Variants in AMMECR1 observed in about 807,000 individuals in gnomAD.
The protein encoded by AMMECR1 is nuclear protein AMMECR1.
A neutral mutation model predicts 22.5 loss-of-function variants in AMMECR1; 3 were observed. That is an observed-to-expected ratio of 0.13 (90% confidence interval 0.06 to 0.35). The LOEUF (loss-of-function observed/expected upper bound fraction) is 0.35, where lower values mean the gene tolerates loss of function less well. AMMECR1 is among the 10% of genes least tolerant of loss of function. AMMECR1 has a pLI of 1.00. For missense variants in AMMECR1, 235 were observed against 278.7 expected, an observed-to-expected ratio of 0.84 and a Z score of 1.12; for synonymous variants, 130 against 116.7, an observed-to-expected ratio of 1.11 and a Z score of -0.74.
Position 110,195,260 on chromosome X carries a change from G to C in AMMECR1, c.*3260C>G, listed in dbSNP as rs1422291621. 1 of 111,880 alleles carries C rather than the reference G, an allele frequency of 8.9e-6. No individual in the cohort carries two copies. Among genetic ancestry groups the C allele is most frequent in the Non-Finnish European group, 1.9e-5 (1 of 53,173 alleles). 9.2% of individuals were successfully genotyped at this position (111,880 alleles called of 1,213,427 possible). A position where few individuals can be genotyped will look rare whatever the true frequency, so the allele number is the denominator to read the frequency against. On this transcript the variant is annotated 3_prime_UTR_variant, in exon 6 of 6. Coordinates refer to ENST00000262844, the MANE Select transcript of AMMECR1 (RefSeq NM_015365.3). ...TACAACTGCTTTAAGCTTTAAGGGT[G>C]AGGGGAAGCAAGCCTTGCACTTCCT... is the stretch of plus-strand genomic sequence containing the variant.
upstream of AMMECR1, among the ~76,000 whole-genome samples, chrX:110,318,579 A>G (rs138283253): frequency 9.8e-4 from 109 of 110,832 alleles, 1 homozygote; most frequent in African/African-American, 3.5e-3. Context: ...AGCAGTATTA[A>G]TGACACTTAA....
intron 2 of AMMECR1, among the ~76,000 whole-genome samples, chrX:110,374,531 C>G (rs775405044): frequency 1.1e-4 from 12 of 111,689 alleles, no homozygotes; most frequent in Non-Finnish European, 2.3e-4. Context: ...ATCCCCAGGA[C>G]TTTTTCAAAT....
intron 2 of AMMECR1, among the ~76,000 whole-genome samples, chrX:110,405,101 C>CG (rs1556161295): frequency 1.0e-5 from 1 of 96,173 alleles, no homozygotes; most frequent in Non-Finnish European, 2.1e-5. Context: ...CCCCCCCCCC[C>CG]AAGCATGAGT....
intron 2 of AMMECR1, among the ~76,000 whole-genome samples, chrX:110,400,066 A>G (rs980315120): frequency 9.1e-6 from 1 of 110,438 alleles, no homozygotes; most frequent in Non-Finnish European, 1.9e-5. Flanking sequence ...CTGTGTGCTT[A>G]GAGGACTACT....
chrX:110,366,401 C>T (rs2068297551), intron 2 of AMMECR1, among the ~76,000 whole-genome samples: 1 of 111,532 alleles, frequency 9.0e-6, no homozygotes, highest in Non-Finnish European at 1.9e-5. Flanking sequence ...ATTTTTGTGA[C>T]CTCACTCACA....
chrX:110,417,159 C>A (rs750219584), intron 2 of AMMECR1, among the ~76,000 whole-genome samples: 2 of 112,218 alleles, frequency 1.8e-5, no homozygotes, highest in South Asian at 7.5e-4. Flanking sequence ...TCTATCCTTA[C>A]CCACTCTGAA....
intron 2 of AMMECR1, among the ~76,000 whole-genome samples, chrX:110,326,305 A>G (rs1383837971): frequency 8.9e-6 from 1 of 111,763 alleles, no homozygotes; most frequent in African/African-American, 3.3e-5. Context: ...AAGTTTTGAT[A>G]TTTTGTGGTT....
intron 1 of AMMECR1, among the ~76,000 whole-genome samples, chrX:110,304,534 TCTAA>T (rs1426247036): frequency 1.8e-5 from 2 of 112,292 alleles, no homozygotes; most frequent in African/African-American, 6.5e-5. Flanking sequence ...CCAATGTTAA[TCTAA>T]CTGACTTAAG....
At chrX:110,217,563 A>G (rs1453920103) in intron 2 of AMMECR1, among the ~76,000 whole-genome samples, 2 of 109,544 alleles carry the variant, frequency 1.8e-5, no homozygotes, top group African/African-American at 6.7e-5. Flanking sequence ...TTATACTTTT[A>G]AAAGAAACCA....
Position 110,330,249 on chromosome X carries a change from C to T in AMMECR1, c.-147-12400G>A, listed in dbSNP as rs771408959. ...GCTTCCTACTTCACGACAAAAAAAA[C>T]GACTTTCAGGTGAGAATCCATTCAA... On this transcript the variant is annotated intron_variant, in intron 2 of 7. Transcript: ENST00000372057. Among the ~76,000 whole-genome samples, 327 of 111,874 alleles carry T rather than the reference C, an allele frequency of 2.9e-3. 1 individual carries two copies. Among genetic ancestry groups the T allele is most frequent in the African/African-American group, 9.4e-3 (290 of 30,897 alleles).
At chrX:110,341,553 G>A (rs1388984482) in intron 2 of AMMECR1, among the ~76,000 whole-genome samples, 1 of 112,215 alleles carries the variant, frequency 8.9e-6, no homozygotes, top group East Asian at 2.8e-4. Context: ...TCTGTCCCCT[G>A]AGACATGAAT....
intron 1 of AMMECR1, among the ~76,000 whole-genome samples, chrX:110,316,426 G>T (rs1189089119): frequency 2.7e-5 from 3 of 111,114 alleles, no homozygotes; most frequent in Admixed American, 1.9e-4. Flanking sequence ...TTCAGTACGA[G>T]TTTCACTGAA....
At chrX:110,282,707 TG>T (rs1014482486) in intron 1 of AMMECR1, among the ~76,000 whole-genome samples, 3 of 111,171 alleles carry the variant, frequency 2.7e-5, no homozygotes, top group African/African-American at 9.8e-5. Context: ...ATCTGGAAAA[TG>T]TAAGATTATG....
At chrX:110,377,828 T>C (rs1433107239) in intron 2 of AMMECR1, among the ~76,000 whole-genome samples, 1 of 107,933 alleles carries the variant, frequency 9.3e-6, no homozygotes, top group African/African-American at 3.4e-5. Flanking sequence ...GCTAACACGG[T>C]GAAACCCCGT....
chrX:110,312,788 AC>A (rs908423498), intron 1 of AMMECR1, among the ~76,000 whole-genome samples: 3 of 111,790 alleles, frequency 2.7e-5, no homozygotes, highest in Admixed American at 1.9e-4. Flanking sequence ...TTAAAAAAAA[AC>A]AACCATATTA....
intron 1 of AMMECR1, among the ~76,000 whole-genome samples, chrX:110,429,450 G>T (rs1484292749): frequency 9.8e-6 from 1 of 102,210 alleles, no homozygotes; most frequent in Non-Finnish European, 1.9e-5. Context: ...GATACTTAGA[G>T]AAAAAGTGTT....
rs966705007 is a variant in AMMECR1, at chrX:110,256,468, ATTTAT to A, written c.584+8016_584+8020del. Among the ~76,000 whole-genome samples, 7 of 111,524 alleles carry A rather than the reference ATTTAT, an allele frequency of 6.3e-5. 1 individual carries two copies. Among genetic ancestry groups the A allele is most frequent in the African/African-American group, 2.3e-4 (7 of 30,822 alleles). On this transcript the variant is annotated intron_variant, in intron 2 of 5. Coordinates refer to ENST00000262844, the MANE Select transcript of AMMECR1 (RefSeq NM_015365.3). Reference sequence around the variant, plus strand: ...TATTTTGTTATATAAATATAGATATATTTATTTCTTTTGTTAACAAGAAGTAGATC... The same window carrying A: ...TATTTTGTTATATAAATATAGATATATTCTTTTGTTAACAAGAAGTAGATC...
At chrX:110,347,050 T>C (rs752660740) in intron 2 of AMMECR1, 4 of 425,871 alleles carry the variant, frequency 9.4e-6, no homozygotes, top group Middle Eastern at 4.7e-4. Context: ...ATACAAACTT[T>C]ATAGCAGGCA....
chrX:110,203,763 C>A (rs1602775697), intron 3 of AMMECR1, among the ~76,000 whole-genome samples: 1 of 111,524 alleles, frequency 9.0e-6, no homozygotes, highest in Non-Finnish European at 1.9e-5. Flanking sequence ...GCTTCTTCTA[C>A]CCCCAGTCTC....
Sources: gnomAD v4.1 joint callset for allele counts (sites outside exome capture counted in the v4.1 genomes callset) on GRCh38, gnomAD v4.1.1 for gene constraint, MANE v1.5 for transcripts, NCBI Gene and HGNC (gene_info 2026-07-23, HGNC 2026-07-21) for gene names.